The following TBCD variants were observed in gnomAD, a reference collection of about 807,000 sequenced individuals.
TBCD encodes tubulin folding cofactor D, also known as tubulin-specific chaperone D.
TBCD carries 105 observed loss-of-function variants against 169.3 expected under a neutral mutation model. That is an observed-to-expected ratio of 0.62 (90% CI 0.53 to 0.73). The LOEUF is 0.73. Ranked by LOEUF, TBCD falls within the 30% of genes least tolerant of loss-of-function variation. The pLI, the probability that TBCD is intolerant of heterozygous loss-of-function variation, is 0.00. For synonymous variants in TBCD, 700 were observed against 643.9 expected (o/e 1.09, Z -1.32); for missense variants, 1,444 against 1,600.1 (o/e 0.90, Z 1.66).
chr17:82,803,058 C>A (rs2050691632), intron 9 of TBCD, among the ~76,000 whole-genome samples: 1 of 152,214 alleles, frequency 6.6e-6, no homozygotes, highest in Non-Finnish European at 1.5e-5. Context: ...ATTTTTATCT[C>A]CTCGGTTGGA....
At chr17:82,818,797 C>T (rs566514552) in intron 13 of TBCD, among the ~76,000 whole-genome samples, 159 of 152,164 alleles carry the variant, frequency 1.0e-3, no homozygotes, top group African/African-American at 2.8e-3. Context: ...CTGGGCACGG[C>T]GGCTCATGCC....
intron 17 of TBCD, among the ~76,000 whole-genome samples, chr17:82,898,476 G>A (rs113057464): frequency 0.032 from 4,920 of 152,044 alleles, 272 homozygotes; most frequent in African/African-American, 0.11. Context: ...CTTTTCCTAT[G>A]TGCAGGAGGC....
chr17:82,850,188 C>T (rs1320471622), intron 13 of TBCD, among the ~76,000 whole-genome samples: 1 of 119,988 alleles, frequency 8.3e-6, no homozygotes, highest in Non-Finnish European at 1.8e-5. Context: ...GTTGGCTGTG[C>T]TGCTGTTGGC....
At chr17:82,919,699 G>A (rs2061298966) in intron 23 of TBCD, among the ~76,000 whole-genome samples, 1 of 152,234 alleles carries the variant, frequency 6.6e-6, no homozygotes, top group East Asian at 1.9e-4. Context: ...AAGAATCTTG[G>A]TGCTGACAGA....
Position 82,872,047 on chromosome 17 carries a change from G to A in TBCD, c.1475+1667G>A, listed in dbSNP as rs118116025. Among the ~76,000 whole-genome samples the A allele has an allele frequency of 1.8e-3, 267 of 152,314 alleles. 7 individuals are homozygous for A. The East Asian group carries it at 0.047, about 27-fold the overall frequency. On this transcript the variant is annotated intron_variant, in intron 14 of 38. Coordinates refer to ENST00000355528, the MANE Select transcript of TBCD (RefSeq NM_005993.5). ...GTTCCATCTTACCAAATACTCAGTA[G>A]CGTCCGGAGAGGGACCTCAACCCGG...
chr17:82,837,935 A>G (rs1044488762), intron 13 of TBCD, among the ~76,000 whole-genome samples: 3 of 152,242 alleles, frequency 2.0e-5, no homozygotes, highest in Non-Finnish European at 4.4e-5. Flanking sequence ...AGTGGCTTCA[A>G]ACATGCTCAG....
intron 23 of TBCD, among the ~76,000 whole-genome samples, chr17:82,917,013 T>C (rs57254483): frequency 0.034 from 1,592 of 47,008 alleles, 37 homozygotes; most frequent in African/African-American, 0.094. Flanking sequence ...CTTTTTTTTT[T>C]CTTTTCTTTT....
At chr17:82,939,109 A>G (rs2062900404) in intron 36 of TBCD, 2 of 529,566 alleles carry the variant, frequency 3.8e-6, no homozygotes, top group South Asian at 4.6e-5. Context: ...TTAATAAAGC[A>G]TTTAAACAAG....
In TBCD at chr17:82,790,844, C is replaced by T. The variant is rs545757856; in HGVS notation, c.772-6913C>T. On this transcript the variant is annotated intron_variant, in intron 7 of 38. Coordinates refer to ENST00000355528, the MANE Select transcript of TBCD (RefSeq NM_005993.5). ...GCTGGGCTCAGAGCTGTGCCACCCC[C>T]ACCTGCACTGCAGAGAAGCTCAGAC... 2.6e-5 allele frequency among the ~76,000 whole-genome samples: 4 copies of T among 152,254 alleles called. No homozygotes were observed. The South Asian group carries it at 6.2e-4, about 24-fold the overall frequency.
rs1289403224 is a variant in TBCD, at chr17:82,902,762, C to T, written c.1731-643C>T. ...TTTTGCTTCTTTGTTGTTACATGGT[C>T]GCCCTCATGATGATTTTAAGTCAGG... On this transcript the variant is annotated intron_variant, in intron 18 of 38. Transcript: ENST00000355528. Among the ~76,000 whole-genome samples, 4 of 152,134 alleles carry T rather than the reference C, an allele frequency of 2.6e-5. No individual in the cohort carries two copies. The South Asian group carries it at 6.2e-4, about 24-fold the overall frequency.
At chr17:82,830,231 C>G in intron 13 of TBCD, 3 of 1,614,258 alleles carry the variant, frequency 1.9e-6, no homozygotes, top group Non-Finnish European at 2.5e-6. Flanking sequence ...GATTTTCCAG[C>G]ATCCCTTAGA....
rs756398967 is a variant in TBCD, at chr17:82,831,872, G to A, written c.1318+16938G>A. 1 of 1,614,098 alleles carries A rather than the reference G, an allele frequency of 6.2e-7. No homozygotes were observed. Among genetic ancestry groups the A allele is most frequent in the African/African-American group, 1.3e-5 (1 of 74,942 alleles). ...GGAGTGTGGAAGGCCGACTTGGTGTGGAAAGACACGGCCTTGGCAGTGGGG... is the reference window on the plus strand; with the variant it reads ...GGAGTGTGGAAGGCCGACTTGGTGTAGAAAGACACGGCCTTGGCAGTGGGG... On this transcript the variant is annotated intron_variant, in intron 13 of 38. Transcript: ENST00000355528. The surrounding 1 kb of genome is among the most constrained non-coding windows in gnomAD (Gnocchi z 4.6).
At chr17:82,879,352 C>T (rs1431694808) in intron 14 of TBCD, among the ~76,000 whole-genome samples, 5 of 152,112 alleles carry the variant, frequency 3.3e-5, no homozygotes, top group African/African-American at 4.8e-5. Flanking sequence ...CTTCGTGTGC[C>T]GCTTCTGGGC....
chr17:82,836,297 C>T (rs991437653), intron 13 of TBCD, among the ~76,000 whole-genome samples: 1 of 152,202 alleles, frequency 6.6e-6, no homozygotes, highest in East Asian at 1.9e-4. Context: ...GTTCTGAAGG[C>T]GTGAGAACCT....
Position 82,923,454 on chromosome 17 carries a change from G to C in TBCD, c.2179-198G>C, listed in dbSNP as rs961331722. On this transcript the variant is annotated intron_variant, in intron 25 of 38. Transcript: ENST00000355528. The surrounding 1 kb of genome is among the most constrained non-coding windows in gnomAD (Gnocchi z 4.6). ...TCTCTGACCTCAAGGGTGACCTGCT[G>C]TGTCCTTGGCCGGGTGCTTCTCCAA... 6.6e-6 allele frequency among the ~76,000 whole-genome samples: 1 copy of C among 152,042 alleles called. No individual in the cohort carries two copies. Among genetic ancestry groups the C allele is most frequent in the Non-Finnish European group, 1.5e-5 (1 of 67,992 alleles).
chr17:82,805,954 C>G lies in TBCD; in HGVS notation c.1030C>G (p.Leu344Val), dbSNP rs781457870. Residue 344 changes from leucine (L) to valine (V), a missense_variant, in exon 10 of 39, where the codon CTG becomes GTG. Coordinates refer to ENST00000355528, the MANE Select transcript of TBCD (RefSeq NM_005993.5). ...QGQSEQKPLI[L>V]TEDDDEDDDV... The stretch of plus-strand genomic sequence containing the variant: ...TCAGAGTGAGCAGAAGCCACTCATC[C>G]TGACCGAAGATGACGACGAAGATGA... 3 of 1,613,834 alleles carry G rather than the reference C, an allele frequency of 1.9e-6. No individual in the cohort carries two copies. Among genetic ancestry groups the G allele is most frequent in the South Asian group, 1.1e-5 (1 of 91,076 alleles).
In TBCD at chr17:82,801,090, C is replaced by T. The variant is rs150357136; in HGVS notation, c.950+94C>T. ...GCCATTGATGAGGGCGGGGCAGGTG[C>T]TGTTGGGGCAGGTGCTGTGGGGAGG... is the stretch of plus-strand genomic sequence containing the variant. On this transcript the variant is annotated intron_variant, in intron 9 of 38. Transcript: ENST00000355528. The T allele has an allele frequency of 1.8e-3, 1,639 of 890,244 alleles. 19 individuals carry two copies. The African/African-American group carries it at 0.032, about 18-fold the overall frequency. 55.1% of individuals were successfully genotyped at this position (890,244 alleles called of 1,614,324 possible). A position where few individuals can be genotyped will look rare whatever the true frequency, so the allele number is the denominator to read the frequency against.
At position 82,849,937 on chromosome 17, in the gene TBCD, G is replaced by C. The variant is rs562523518; in HGVS notation, c.1319-20287G>C. Among the ~76,000 whole-genome samples, 781 of 150,202 alleles carry C rather than the reference G, an allele frequency of 5.2e-3. 1 individual carries two copies. Among genetic ancestry groups the C allele is most frequent in the Non-Finnish European group, 9.4e-3 (637 of 67,480 alleles). On this transcript the variant is annotated intron_variant, in intron 13 of 38. Transcript: ENST00000355528. ...GCTGTTGTTGGCTGTTTTGCTGTTG[G>C]CTGTGCTGTTGTTGCCTGTGCTGCT...
intron 36 of TBCD, 98 bp downstream of exon 36, chr17:82,938,234 C>A: frequency 7.3e-7 from 1 of 1,363,260 alleles, no homozygotes; most frequent in South Asian, 1.3e-5. Flanking sequence ...GGTGTGCTTT[C>A]CAGCCGAGCC....
Sources: gnomAD v4.1 joint callset for allele counts (sites outside exome capture counted in the v4.1 genomes callset) on GRCh38, gnomAD v4.1.1 for gene constraint, Gnocchi (gnomAD v3.1) non-coding constraint, MANE v1.5 for transcripts, NCBI Gene and HGNC (gene_info 2026-07-23, HGNC 2026-07-21) for gene names.